Variants in CLEC16A observed in about 807,000 individuals in gnomAD.
The protein encoded by CLEC16A is protein CLEC16A.
A neutral mutation model predicts 109.5 loss-of-function variants in CLEC16A; 51 were observed. That is an observed-to-expected ratio of 0.47 (90% CI 0.37 to 0.59). The LOEUF is 0.59. Among genes scored for constraint, CLEC16A ranks in the 20% least tolerant of loss-of-function variants. The pLI is 0.00. For missense variants in CLEC16A, 1,339 were observed against 1,394.0 expected, an observed-to-expected ratio of 0.96 and a Z score of 0.63; for synonymous variants, 673 against 564.2, an observed-to-expected ratio of 1.19 and a Z score of -2.73.
chr16:11,145,759 C>A (rs1279646416), intron 22 of CLEC16A, among the ~76,000 whole-genome samples: 1 of 152,264 alleles, frequency 6.6e-6, no homozygotes, highest in African/African-American at 2.4e-5. Flanking sequence ...TTAAACTCAG[C>A]CCCACTGTTG....
chr16:11,037,700 C>T (rs770702120), intron 13 of CLEC16A, among the ~76,000 whole-genome samples: 13 of 152,152 alleles, frequency 8.5e-5, no homozygotes, highest in Non-Finnish European at 1.5e-4. Flanking sequence ...TTCTGCTATC[C>T]TCTCTGAAGC....
At chr16:10,945,833 ACT>A (rs2041334346) in intron 1 of CLEC16A, among the ~76,000 whole-genome samples, 1 of 151,696 alleles carries the variant, frequency 6.6e-6, no homozygotes, top group South Asian at 2.1e-4. Flanking sequence ...GTGCTTCTCC[ACT>A]CTCTGCGATT....
chr16:11,169,888 G>A (rs148331032), intron 23 of CLEC16A, among the ~76,000 whole-genome samples: 2 of 152,246 alleles, frequency 1.3e-5, no homozygotes, highest in African/African-American at 4.8e-5. Flanking sequence ...GCCCACCTGT[G>A]CCAGACACCA....
chr16:11,137,732 C>T (rs2053636586), intron 22 of CLEC16A, among the ~76,000 whole-genome samples: 1 of 151,928 alleles, frequency 6.6e-6, no homozygotes. Context: ...TTGCTTGGAC[C>T]TGGCAGGTGG....
At position 11,020,400 on chromosome 16, in the gene CLEC16A, A is replaced by G; in HGVS notation, c.1436+75A>G. 3.4e-6 allele frequency: 5 copies of G among 1,471,078 alleles called. No individual in the cohort carries two copies. The South Asian group carries it at 6.8e-5, about 20-fold the overall frequency. 91.1% of individuals were successfully genotyped at this position (1,471,078 alleles called of 1,614,324 possible). ...GGGCTCAGTGGGGAGGTTGAGCCCT[A>G]GGGCCAGAGCCTCTTCTGTCCCTCA... On this transcript the variant is annotated intron_variant, in intron 12 of 23. Transcript: ENST00000409790.
rs2047495070 is a variant in CLEC16A, at chr16:11,044,011, TC to T, written c.1771-15del. The T allele has an allele frequency of 1.3e-6, 2 of 1,592,790 alleles. No individual in the cohort carries two copies. The highest frequency in any genetic ancestry group is 4.5e-5 in the East Asian group (2 of 44,420). ...TATGAGACCTGCCTCCTTCACACCT[TC>T]CTTCTCTTTTAACAGGGTGCGAGAG... On this transcript the variant is annotated splice_polypyrimidine_tract_variant and intron_variant, in intron 15 of 23. Coordinates refer to ENST00000409790, the MANE Select transcript of CLEC16A (RefSeq NM_015226.3).
intron 19 of CLEC16A, among the ~76,000 whole-genome samples, chr16:11,087,012 T>C (rs1208692338): frequency 6.6e-6 from 1 of 152,190 alleles, no homozygotes; most frequent in East Asian, 1.9e-4. Context: ...TAATTTTCTT[T>C]GAATGTACTC....
At position 11,024,964 on chromosome 16, in the gene CLEC16A, A is replaced by G. The variant is rs376629103; in HGVS notation, c.1537+43A>G. On this transcript the variant is annotated intron_variant, in intron 13 of 23. Coordinates refer to ENST00000409790, the MANE Select transcript of CLEC16A (RefSeq NM_015226.3). Reference sequence around the variant, plus strand: ...GCCTGACTTCCTTGCTGGGCCCTGCATACCCATAGCATCCTTCCCCTCTGC... The same window carrying G: ...GCCTGACTTCCTTGCTGGGCCCTGCGTACCCATAGCATCCTTCCCCTCTGC... The G allele has an allele frequency of 1.3e-5, 18 of 1,344,590 alleles. No homozygotes were observed. The African/African-American group carries it at 2.6e-4, about 19-fold the overall frequency. The allele number at this position is 1,344,590 out of a possible 1,614,324, so 83.3% of individuals were successfully genotyped here.
chr16:11,062,511 A>C (rs2152907330), intron 19 of CLEC16A, among the ~76,000 whole-genome samples: 1 of 152,324 alleles, frequency 6.6e-6, no homozygotes, highest in South Asian at 2.1e-4. Flanking sequence ...ATGAAATAGA[A>C]CATGAAATAT....
intron 20 of CLEC16A, among the ~76,000 whole-genome samples, chr16:11,122,620 A>G (rs1481346320): frequency 1.3e-5 from 2 of 152,168 alleles, no homozygotes; most frequent in Non-Finnish European, 2.9e-5. Context: ...CCTGTGCCAA[A>G]TGTAGTGCCT....
chr16:11,119,644 G>A (rs534706045), intron 19 of CLEC16A, among the ~76,000 whole-genome samples: 7 of 152,176 alleles, frequency 4.6e-5, no homozygotes, highest in South Asian at 2.1e-4. Flanking sequence ...CTCCCTCCTC[G>A]GACTCCCAAA....
intron 11 of CLEC16A, among the ~76,000 whole-genome samples, chr16:11,015,833 A>G (rs1051086444): frequency 1.3e-5 from 2 of 152,184 alleles, no homozygotes; most frequent in African/African-American, 2.4e-5. Flanking sequence ...CACTGTGTCA[A>G]CCAAGCAGGG....
intron 11 of CLEC16A, among the ~76,000 whole-genome samples, chr16:11,019,337 T>G (rs567946709): frequency 6.6e-6 from 1 of 152,352 alleles, no homozygotes; most frequent in East Asian, 1.9e-4. Context: ...ACACCATGCT[T>G]AAGCTGATTG....
At chr16:11,049,225 C>A (rs1485514108) in intron 17 of CLEC16A, among the ~76,000 whole-genome samples, 1 of 152,136 alleles carries the variant, frequency 6.6e-6, no homozygotes, top group Non-Finnish European at 1.5e-5. Context: ...CCAGGCTGGT[C>A]TCAAACCCCT....
intron 1 of CLEC16A, among the ~76,000 whole-genome samples, chr16:10,950,865 T>C (rs77606039): frequency 3.3e-5 from 5 of 152,364 alleles, no homozygotes; most frequent in Non-Finnish European, 5.9e-5. Context: ...ATTCTGCTTA[T>C]CCTTTCTCAT....
At chr16:11,107,589 G>A (rs2051300621) in intron 19 of CLEC16A, among the ~76,000 whole-genome samples, 1 of 152,170 alleles carries the variant, frequency 6.6e-6, no homozygotes, top group Non-Finnish European at 1.5e-5. Flanking sequence ...AAGTGTCCTG[G>A]ATTATGAAGT....
At chr16:11,059,127 GCT>G (rs1397416557) in intron 18 of CLEC16A, among the ~76,000 whole-genome samples, 8 of 152,104 alleles carry the variant, frequency 5.3e-5, no homozygotes. Flanking sequence ...GCCCCTCTCA[GCT>G]CTGTTTCTTC....
intron 9 of CLEC16A, among the ~76,000 whole-genome samples, chr16:10,980,971 C>A (rs2043288513): frequency 6.6e-6 from 1 of 152,160 alleles, no homozygotes; most frequent in African/African-American, 2.4e-5. Context: ...TGATGCTGTC[C>A]TCCTAAAACC....
At chr16:10,970,119 C>T (rs2042709686) in intron 4 of CLEC16A, among the ~76,000 whole-genome samples, 1 of 152,192 alleles carries the variant, frequency 6.6e-6, no homozygotes, top group Non-Finnish European at 1.5e-5. Flanking sequence ...ACTGGTCGTG[C>T]TGGGGCTGGT....
Sources: gnomAD v4.1 joint callset for allele counts (sites outside exome capture counted in the v4.1 genomes callset) on GRCh38, gnomAD v4.1.1 for gene constraint, MANE v1.5 for transcripts, NCBI Gene and HGNC (gene_info 2026-07-23, HGNC 2026-07-21) for gene names.